Variants in DGKG observed in about 807,000 individuals in gnomAD.
DGKG encodes the protein diacylglycerol kinase gamma.
In DGKG, 78 loss-of-function variants were observed where a neutral mutation model predicts 105.3. The observed-to-expected ratio is 0.74, with a 90% CI of 0.62 to 0.89. The LOEUF (loss-of-function observed/expected upper bound fraction) is 0.89, where lower values mean the gene tolerates loss of function less well. Among genes scored for constraint, DGKG ranks in the 40% least tolerant of loss-of-function variants. DGKG has a pLI of 0.00. For synonymous variants in DGKG, 346 were observed against 367.1 expected (o/e 0.94, Z 0.66); for missense variants, 958 against 1,020.1 (o/e 0.94, Z 0.83).
intron 22 of DGKG, among the ~76,000 whole-genome samples, chr3:186,166,436 A>G (rs1716549629): frequency 6.6e-6 from 1 of 152,258 alleles, no homozygotes; most frequent in Non-Finnish European, 1.5e-5. Flanking sequence ...AAAAGAAGCC[A>G]GGAAAGGGTA....
intron 2 of DGKG, among the ~76,000 whole-genome samples, chr3:186,311,216 A>G (rs934596427): frequency 1.3e-5 from 2 of 152,212 alleles, no homozygotes; most frequent in Non-Finnish European, 2.9e-5. Flanking sequence ...TCAGATGTAC[A>G]GTCAAGGTTG....
chr3:186,211,720 T>C (rs1224678311), intron 21 of DGKG, 75 bp downstream of exon 21: 1 of 1,099,500 alleles, frequency 9.1e-7, no homozygotes, highest in Admixed American at 1.7e-5. Context: ...CCCAAGAGGA[T>C]ACATCCTGTG....
At chr3:186,263,453 G>A (rs113622723) in intron 14 of DGKG, among the ~76,000 whole-genome samples, 1,548 of 152,130 alleles carry the variant, frequency 0.01, 25 homozygotes, top group African/African-American at 0.034. Flanking sequence ...TGTAATCCCA[G>A]CTACTTGGGA....
At chr3:186,186,650 G>T (rs980237776) in intron 22 of DGKG, among the ~76,000 whole-genome samples, 3 of 152,206 alleles carry the variant, frequency 2.0e-5, no homozygotes, top group African/African-American at 7.2e-5. Flanking sequence ...TTAGTAGCAG[G>T]TCTTGGACTA....
intron 22 of DGKG, 53 bp from the exon 23 acceptor site, chr3:186,165,071 C>A: frequency 6.4e-7 from 1 of 1,568,974 alleles, no homozygotes; most frequent in Admixed American, 1.8e-5. Context: ...GTTCCTCAGA[C>A]AAGTTCTGGC....
intron 19 of DGKG, among the ~76,000 whole-genome samples, chr3:186,244,330 G>T (rs1359719917): frequency 6.6e-6 from 1 of 152,074 alleles, no homozygotes; most frequent in Admixed American, 6.5e-5. Context: ...GAGAAGATGG[G>T]CTTATTTTGT....
intron 24 of DGKG, among the ~76,000 whole-genome samples, chr3:186,152,018 G>A (rs923080782): frequency 4.6e-5 from 7 of 152,126 alleles, no homozygotes; most frequent in African/African-American, 1.7e-4. Flanking sequence ...GGCGGAGGTT[G>A]TGGTGAGCCA....
At chr3:186,181,544 C>T (rs1045068983) in intron 22 of DGKG, among the ~76,000 whole-genome samples, 2 of 152,254 alleles carry the variant, frequency 1.3e-5, no homozygotes, top group African/African-American at 4.8e-5. Flanking sequence ...GCTAGTCTGG[C>T]CAGCATGGCG....
At chr3:186,236,314 A>T (rs1375257873) in intron 20 of DGKG, among the ~76,000 whole-genome samples, 2 of 152,234 alleles carry the variant, frequency 1.3e-5, no homozygotes, top group African/African-American at 4.8e-5. Context: ...TCCATTAAAA[A>T]CAACCCTTTT....
chr3:186,210,598 G>A lies in DGKG; in HGVS notation c.1917+1197C>T. On this transcript the variant is annotated intron_variant, in intron 21 of 24. Coordinates refer to ENST00000265022, the MANE Select transcript of DGKG (RefSeq NM_001346.3). The surrounding 1 kb of genome is among the most constrained non-coding windows in gnomAD (Gnocchi z 5.2). The stretch of plus-strand genomic sequence containing the variant: ...AGCCGCACAGAACCTCTGGCTTCGT[G>A]TTTTGTTTGTGAAAACTCCCTGTGA... The A allele has an allele frequency of 2.2e-6, 1 of 454,330 alleles. No homozygotes were observed. The highest frequency in any genetic ancestry group is 1.6e-5 in the South Asian group (1 of 64,494). The allele number at this position is 454,330 out of a possible 1,614,324, so 28.1% of individuals were successfully genotyped here.
chr3:186,333,065 T>C (rs1725674669), intron 1 of DGKG, among the ~76,000 whole-genome samples: 1 of 152,134 alleles, frequency 6.6e-6, no homozygotes. Flanking sequence ...AGAAATAAGT[T>C]CCTTTTCTCT....
At position 186,284,347 on chromosome 3, in the gene DGKG, C is replaced by T. The variant is rs1722961913; in HGVS notation, c.594+313G>A. 6.6e-6 allele frequency among the ~76,000 whole-genome samples: 1 copy of T among 152,106 alleles called. No homozygotes were observed. Among genetic ancestry groups the T allele is most frequent in the Non-Finnish European group, 1.5e-5 (1 of 68,032 alleles). ...TCTCCTCTTGGCCTCAGGACTCCTGCAGGAAATTGCAGGAGGCGCTTGTGA... is the reference window on the plus strand; with the variant it reads ...TCTCCTCTTGGCCTCAGGACTCCTGTAGGAAATTGCAGGAGGCGCTTGTGA... On this transcript the variant is annotated intron_variant, in intron 7 of 24. Coordinates refer to ENST00000265022, the MANE Select transcript of DGKG (RefSeq NM_001346.3). This position sits in a 1 kb window ranked among gnomAD's most constrained non-coding sequence, Gnocchi z 4.0.
chr3:186,288,680 C>T, intron 6 of DGKG, 30 bp downstream of exon 6: 2 of 1,610,954 alleles, frequency 1.2e-6, no homozygotes, highest in Non-Finnish European at 1.7e-6. Flanking sequence ...TAGGAAAAAG[C>T]TGAAGCCCCT....
At chr3:186,258,951 C>T (rs1721611393) in intron 16 of DGKG, among the ~76,000 whole-genome samples, 2 of 152,122 alleles carry the variant, frequency 1.3e-5, no homozygotes, top group South Asian at 2.1e-4. Context: ...ATGTGCCCTG[C>T]GGACACCTTG....
intron 20 of DGKG, among the ~76,000 whole-genome samples, chr3:186,219,132 C>T (rs1036765471): frequency 4.8e-5 from 7 of 145,342 alleles, no homozygotes; most frequent in South Asian, 2.2e-4. Context: ...TTATGTTAAC[C>T]GAAGTTTACA....
intron 2 of DGKG, chr3:186,313,532 A>T: frequency 1.0e-6 from 1 of 985,322 alleles, no homozygotes; most frequent in East Asian, 1.1e-4. Flanking sequence ...GGAGGAATGG[A>T]TCAGACAACT....
At position 186,148,933 on chromosome 3, in the gene DGKG, G is replaced by A. The variant is rs1715624503; in HGVS notation, c.*1157C>T. The A allele has an allele frequency of 1.1e-6, 1 of 947,198 alleles. No individual in the cohort carries two copies. Among genetic ancestry groups the A allele is most frequent in the Admixed American group, 6.5e-5 (1 of 15,396 alleles). The allele number at this position is 947,198 out of a possible 1,614,324, so 58.7% of individuals were successfully genotyped here. A position where few individuals can be genotyped will look rare whatever the true frequency, so the allele number is the denominator to read the frequency against. ...TACCTATGTTTTTTTTTTCCAATGA[G>A]GAAAAGTCCATCAGTAAATAAATAT... On this transcript the variant is annotated 3_prime_UTR_variant, in exon 25 of 25. Coordinates refer to ENST00000265022, the MANE Select transcript of DGKG (RefSeq NM_001346.3).
chr3:186,307,451 G>T (rs113656081), intron 2 of DGKG, among the ~76,000 whole-genome samples: 1,649 of 152,238 alleles, frequency 0.011, 30 homozygotes, highest in African/African-American at 0.037. Flanking sequence ...CATTCTTCAA[G>T]ATCCAGCTCA....
chr3:186,151,004 T>C lies in DGKG; in HGVS notation c.2278-816A>G, dbSNP rs188710702. Among the ~76,000 whole-genome samples the C allele has an allele frequency of 7.2e-5, 11 of 152,312 alleles. No individual in the cohort carries two copies. The East Asian group carries it at 2.1e-3, about 29-fold the overall frequency. ...TATGATAATGCTCAGAGTAGGACGA[T>C]GAAGTGGGAACAGGAAGCAATTAGA... is the stretch of plus-strand genomic sequence containing the variant. On this transcript the variant is annotated intron_variant, in intron 24 of 24. Coordinates refer to ENST00000265022, the MANE Select transcript of DGKG (RefSeq NM_001346.3).
Sources: gnomAD v4.1 joint callset for allele counts (sites outside exome capture counted in the v4.1 genomes callset) on GRCh38, gnomAD v4.1.1 for gene constraint, Gnocchi (gnomAD v3.1) non-coding constraint, MANE v1.5 for transcripts, NCBI Gene and HGNC (gene_info 2026-07-23, HGNC 2026-07-21) for gene names.